The following RARS1 variants were observed in gnomAD, a reference collection of about 807,000 sequenced individuals.
RARS1 encodes the protein arginine--tRNA ligase, cytoplasmic.
Under a neutral mutation model 78.7 loss-of-function variants are expected in RARS1, and 75 were observed. The ratio of observed to expected loss-of-function variants is 0.95; its 90% CI spans 0.79 to 1.15. RARS1 has a LOEUF of 1.15. Among genes scored for constraint, RARS1 ranks in the 50% most tolerant of loss-of-function variants. RARS1 has a pLI of 0.00. For synonymous variants in RARS1, 273 were observed against 268.2 expected (o/e 1.02, Z -0.18); for missense variants, 787 against 787.5 (o/e 1.00, Z 0.01).
At position 168,486,548 on chromosome 5, in the gene RARS1, G is replaced by A. The variant is rs768340051; in HGVS notation, c.45+5G>A. 2.6e-6 allele frequency: 4 copies of A among 1,556,414 alleles called. No homozygotes were observed. In the South Asian group the frequency reaches 3.6e-5, roughly 14 times the overall value. ...TCCGCGCGGCTGCTGCAGCAGGTTTGGACGCAGGAGACCGGCGGGAAGGCC... is the reference window on the plus strand; with the variant it reads ...TCCGCGCGGCTGCTGCAGCAGGTTTAGACGCAGGAGACCGGCGGGAAGGCC... On this transcript the variant is annotated splice_donor_5th_base_variant and intron_variant, in intron 1 of 14. Coordinates refer to ENST00000231572, the MANE Select transcript of RARS1 (RefSeq NM_002887.4).
At chr5:168,514,537 T>C (rs1486016879) in intron 12 of RARS1, among the ~76,000 whole-genome samples, 2 of 152,220 alleles carry the variant, frequency 1.3e-5, no homozygotes, top group Non-Finnish European at 1.5e-5. Context: ...TTAATCATAG[T>C]TTTCTTTAAA....
At chr5:168,507,911 G>A (rs1298903520) in intron 11 of RARS1, among the ~76,000 whole-genome samples, 1 of 151,848 alleles carries the variant, frequency 6.6e-6, no homozygotes, top group Non-Finnish European at 1.5e-5. Flanking sequence ...CAGGCATAGT[G>A]GCATGCACCT....
chr5:168,519,086 ATATTGAAGG>A lies in RARS1; in HGVS notation c.1881_1889del (p.Ile627_Val630delinsMet), dbSNP rs771196105. ...ACTTTTTTCTATCTTTTCAGGAAAA[ATATTGAAGG>A]TGAACATGTGGCGTATGCTGCTATG... On this transcript the variant is annotated inframe_deletion, in exon 15 of 15. Coordinates refer to ENST00000231572, the MANE Select transcript of RARS1 (RefSeq NM_002887.4). 2 of 1,605,308 alleles carry A rather than the reference ATATTGAAGG, an allele frequency of 1.2e-6. No homozygotes were observed. The highest frequency in any genetic ancestry group is 2.3e-5 in the South Asian group (2 of 88,778).
In RARS1 at chr5:168,518,081, T is replaced by TTTTTTTTTTTTTTTA; in HGVS notation, c.1873+20_1873+34dup. On this transcript the variant is annotated intron_variant, in intron 14 of 14. Transcript: ENST00000231572. ...CAGACTGGTGAGTGTCTTTTTTTTT[T>TTTTTTTTTTTTTTTA]TTTTTTTTTTTTTTAGTGAGAGACA... The TTTTTTTTTTTTTTTA allele has an allele frequency of 1.4e-6, 2 of 1,421,116 alleles. No homozygotes were observed. The highest frequency in any genetic ancestry group is 1.8e-6 in the Non-Finnish European group (2 of 1,092,150). 88.0% of individuals were successfully genotyped at this position (1,421,116 alleles called of 1,614,324 possible). A position where few individuals can be genotyped will look rare whatever the true frequency, so the allele number is the denominator to read the frequency against.
At chr5:168,493,583 G>A (rs1758126223) in intron 3 of RARS1, among the ~76,000 whole-genome samples, 1 of 138,166 alleles carries the variant, frequency 7.2e-6, no homozygotes, top group Non-Finnish European at 1.5e-5. Context: ...ACAGTGAGCC[G>A]AGATCACACC....
intron 4 of RARS1, 107 bp downstream of exon 4, chr5:168,494,109 A>G: frequency 7.8e-7 from 1 of 1,288,874 alleles, no homozygotes; most frequent in Non-Finnish European, 1.1e-6. Flanking sequence ...TGTATACTGA[A>G]CAAGATGGTG....
intron 4 of RARS1, 165 bp from the exon 5 acceptor site, chr5:168,494,382 AGAC>A: frequency 2.0e-6 from 2 of 985,426 alleles, no homozygotes; most frequent in Non-Finnish European, 2.4e-6. Flanking sequence ...GGCTTGAAGT[AGAC>A]GGTGAGACAG....
chr5:168,501,920 A>G (rs1758333202), intron 8 of RARS1, 81 bp from the exon 9 acceptor site: 3 of 1,509,184 alleles, frequency 2.0e-6, no homozygotes. Context: ...TAATAAATTT[A>G]TTTCAATGTA....
At position 168,517,960 on chromosome 5, in the gene RARS1, G is replaced by A. The variant is rs1758705667; in HGVS notation, c.1771G>A (p.Asp591Asn). The change falls in exon 14 of 15, where the codon GAC becomes AAC. Residue 591 changes from aspartate to asparagine, a missense_variant. Asp to Asn is a conservative substitution (Grantham distance 23). Transcript: ENST00000231572. ...FPEILQKILDDLFLHTLCDYI... is the reference protein window; with the variant it reads ...FPEILQKILDNLFLHTLCDYI... ...TGAGATTCTGCAAAAGATTTTAGAT[G>A]ACTTATTTCTCCACACTCTCTGTGA... The A allele has an allele frequency of 1.2e-6, 2 of 1,612,122 alleles. No individual in the cohort carries two copies. Among genetic ancestry groups the A allele is most frequent in the Admixed American group, 3.3e-5 (2 of 59,786 alleles).
chr5:168,502,067 A>G lies in RARS1; in HGVS notation c.1019A>G (p.Asp340Gly), dbSNP rs374984534. The change falls in exon 9 of 15, where the codon GAT (aspartate) becomes GGT (glycine). Residue 340 changes from aspartate (D) to glycine (G), a missense_variant. Transcript: ENST00000231572. ...GAGAGAGGGGAATCCTTCTATCAAG[A>G]TAGGATGAATGATATTGTAAAGGAA... is the stretch of plus-strand genomic sequence containing the variant. ...LIERGESFYQDRMNDIVKEFE... is the reference protein window; with the variant it reads ...LIERGESFYQGRMNDIVKEFE... 6.2e-7 allele frequency: 1 copy of G among 1,604,616 alleles called. No homozygotes were observed.
At chr5:168,489,228 A>T (rs1020545065) in intron 2 of RARS1, among the ~76,000 whole-genome samples, 16 of 151,868 alleles carry the variant, frequency 1.1e-4, no homozygotes, top group Non-Finnish European at 2.2e-4. Flanking sequence ...TGTGTTGGCC[A>T]GGCTGGCCTC....
In RARS1 at chr5:168,494,551, T is replaced by C. The variant is rs765341203; in HGVS notation, c.480T>C (p.Gly160=). The change falls in exon 5 of 15, where the codon GGT becomes GGC. Residue 160 remains glycine (G), a splice_region_variant and synonymous_variant. Coordinates refer to ENST00000231572, the MANE Select transcript of RARS1 (RefSeq NM_002887.4). ...CIEKVEIAGP[G]FINVHLRKDF... is the part of the protein sequence containing the mutation. ...TATTTTTTCTCTTCTATCCATTAGG[T>C]TTTATTAATGTCCACTTAAGAAAGG... The C allele has an allele frequency of 6.2e-7, 1 of 1,608,468 alleles. No homozygotes were observed.
At chr5:168,501,550 C>G (rs895876965) in intron 8 of RARS1, among the ~76,000 whole-genome samples, 2 of 152,126 alleles carry the variant, frequency 1.3e-5, no homozygotes, top group Non-Finnish European at 2.9e-5. Context: ...TGGTGAAACC[C>G]CATCTCTACT....
At position 168,502,057 on chromosome 5, in the gene RARS1, T is replaced by C; in HGVS notation, c.1009T>C (p.Phe337Leu). Residue 337 changes from phenylalanine to leucine, a missense_variant, in exon 9 of 15, where the codon TTC (phenylalanine) becomes CTC (leucine). Physicochemically the swap from Phe to Leu is conservative, Grantham distance 22 (BLOSUM62 0). Transcript: ENST00000231572. ...CTCTTTAATAGAGAGAGGGGAATCC[T>C]TCTATCAAGATAGGATGAATGATAT... ...DVSLIERGESFYQDRMNDIVK... is the reference protein window; with the variant it reads ...DVSLIERGESLYQDRMNDIVK... 5.0e-6 allele frequency: 8 copies of C among 1,605,742 alleles called. No homozygotes were observed. The highest frequency in any genetic ancestry group is 1.3e-5 in the African/African-American group (1 of 74,654).
chr5:168,518,392 A>G (rs564477379), intron 14 of RARS1, among the ~76,000 whole-genome samples: 8 of 152,234 alleles, frequency 5.3e-5, no homozygotes, highest in African/African-American at 1.9e-4. Context: ...CATATCATAT[A>G]TAAAAGACAA....
At chr5:168,503,779 A>G (rs1439977494) in intron 9 of RARS1, among the ~76,000 whole-genome samples, 3 of 152,040 alleles carry the variant, frequency 2.0e-5, no homozygotes, top group East Asian at 1.9e-4. Flanking sequence ...TTTTAAGATG[A>G]TAAAATTTTG....
chr5:168,516,707 T>C (rs1216914534), intron 12 of RARS1, 71 bp from the exon 13 acceptor site: 2 of 1,477,374 alleles, frequency 1.4e-6, no homozygotes, highest in East Asian at 2.3e-5. Context: ...ACCCCAGTCT[T>C]ATGCCTATGA....
Position 168,488,595 on chromosome 5 carries a change from C to T in RARS1, c.46-7C>T. The T allele has an allele frequency of 1.3e-6, 2 of 1,591,808 alleles. No homozygotes were observed. Among genetic ancestry groups the T allele is most frequent in the East Asian group, 2.2e-5 (1 of 44,690 alleles). On this transcript the variant is annotated splice_region_variant and splice_polypyrimidine_tract_variant and intron_variant, in intron 1 of 14. Coordinates refer to ENST00000231572, the MANE Select transcript of RARS1 (RefSeq NM_002887.4). ...ATGGACTGAAAAAAGTGCTTTTTTT[C>T]CCACAGGAAGAAGAGATTAAATCTC...
At chr5:168,488,766 C>G (rs776542969) in intron 2 of RARS1, 30 bp downstream of exon 2, 1 of 1,562,722 alleles carries the variant, frequency 6.4e-7, no homozygotes, top group Non-Finnish European at 8.6e-7. Flanking sequence ...GTTTTATTCT[C>G]CAGTTTGAAT....
Sources: allele counts gnomAD v4.1 joint callset (sites outside exome capture counted in the v4.1 genomes callset), GRCh38; gene constraint gnomAD v4.1.1; transcripts MANE v1.5; gene names NCBI Gene and HGNC (gene_info 2026-07-23, HGNC 2026-07-21).